The following RLF variants were observed in gnomAD, a reference collection of about 807,000 sequenced individuals.
RLF encodes the protein RLF zinc finger.
A neutral mutation model predicts 162.9 loss-of-function variants in RLF; 7 were observed. The ratio of observed to expected loss-of-function variants is 0.04; its 90% CI spans 0.02 to 0.08. RLF has a LOEUF of 0.08. Ranked by LOEUF, RLF falls within the 10% of genes least tolerant of loss-of-function variation. RLF has a pLI of 1.00. For missense variants in RLF, 1,664 were observed against 2,244.7 expected (o/e 0.74, Z 5.23); for synonymous variants, 782 against 791.5 (o/e 0.99, Z 0.20).
intron 6 of RLF, among the ~76,000 whole-genome samples, chr1:40,229,519 A>G (rs1247558407): frequency 1.4e-5 from 2 of 141,614 alleles, no homozygotes; most frequent in Admixed American, 1.5e-4. Context: ...CAGTGGTGCA[A>G]TCTCGGCTTA....
Position 40,198,918 on chromosome 1 carries a change from C to T in RLF, c.607+3154C>T, listed in dbSNP as rs369964941. ...AAAGAAATTCAAAGATTGATATCTT[C>T]AAATGATTTGTAAAATACAAGATTG... is the stretch of plus-strand genomic sequence containing the variant. On this transcript the variant is annotated intron_variant, in intron 4 of 7. Coordinates refer to ENST00000372771, the MANE Select transcript of RLF (RefSeq NM_012421.4). Among the ~76,000 whole-genome samples the T allele has an allele frequency of 8.5e-5, 13 of 152,262 alleles. 1 individual carries two copies. The highest frequency in any genetic ancestry group is 3.9e-4 in the East Asian group (2 of 5,184).
rs1010836529 is a variant in RLF, at chr1:40,238,166, C to T, written c.3464C>T (p.Ser1155Leu). 6.2e-7 allele frequency: 1 copy of T among 1,613,812 alleles called. No homozygotes were observed. The highest frequency in any genetic ancestry group is 8.5e-7 in the Non-Finnish European group (1 of 1,179,868). ...CATTATCTTAAAAAGCATAATTATT[C>T]AAAAGAAAAAGTCCTTCAGTTAACC... is the stretch of plus-strand genomic sequence containing the variant. The part of the protein sequence containing the change: ...LMHYLKKHNY[S>L]KEKVLQLTMF... Residue 1155 changes from serine to leucine, a missense_variant, in exon 8 of 8, where the codon TCA becomes TTA. By Grantham distance (145) the Ser-to-Leu change is moderately radical. Coordinates refer to ENST00000372771, the MANE Select transcript of RLF (RefSeq NM_012421.4). This position sits in a 1 kb window ranked among gnomAD's most constrained non-coding sequence, Gnocchi z 5.2.
In RLF at chr1:40,238,864, A is replaced by T; in HGVS notation, c.4162A>T (p.Asn1388Tyr). 1 of 1,614,184 alleles carries T rather than the reference A, an allele frequency of 6.2e-7. No homozygotes were observed. The highest frequency in any genetic ancestry group is 8.5e-7 in the Non-Finnish European group (1 of 1,180,008). The change falls in exon 8 of 8, where the codon AAC (asparagine) becomes TAC (tyrosine). Residue 1388 changes from asparagine to tyrosine, a missense_variant. Coordinates refer to ENST00000372771, the MANE Select transcript of RLF (RefSeq NM_012421.4). This position sits in a 1 kb window ranked among gnomAD's most constrained non-coding sequence, Gnocchi z 5.2. ...ALAKHCSDSH[N>Y]LDHIEEPKVL... ...TGCTAAGCACTGTAGTGATTCTCAT[A>T]ACCTAGACCATATTGAAGAGCCTAA...
chr1:40,203,308 G>T (rs1038944850), intron 5 of RLF, among the ~76,000 whole-genome samples: 2 of 151,720 alleles, frequency 1.3e-5, no homozygotes, highest in Admixed American at 6.6e-5. Context: ...TAGAGACGGG[G>T]TTTCACCATG....
intron 5 of RLF, among the ~76,000 whole-genome samples, chr1:40,203,267 A>G (rs1471546377): frequency 6.6e-6 from 1 of 151,864 alleles, no homozygotes; most frequent in Non-Finnish European, 1.5e-5. Context: ...GGCATGCGCC[A>G]CCATGCCTGG....
At chr1:40,228,474 G>A (rs865872744) in intron 6 of RLF, among the ~76,000 whole-genome samples, 2 of 148,248 alleles carry the variant, frequency 1.3e-5, no homozygotes, top group Admixed American at 6.7e-5. Flanking sequence ...CCAGCTACTC[G>A]AGGGAGGCTG....
At chr1:40,219,386 GTT>G (rs1642963751) in intron 5 of RLF, among the ~76,000 whole-genome samples, 1 of 152,046 alleles carries the variant, frequency 6.6e-6, no homozygotes, top group African/African-American at 2.4e-5. Context: ...TCTAGTATCT[GTT>G]TTCAAGGGAT....
chr1:40,220,360 A>G (rs2124552553), intron 5 of RLF, among the ~76,000 whole-genome samples: 1 of 152,328 alleles, frequency 6.6e-6, no homozygotes, highest in South Asian at 2.1e-4. Context: ...GCTCACTCTT[A>G]TTAGGCCACT....
At chr1:40,209,818 A>G (rs950053992) in intron 5 of RLF, among the ~76,000 whole-genome samples, 1 of 151,940 alleles carries the variant, frequency 6.6e-6, no homozygotes, top group Non-Finnish European at 1.5e-5. Flanking sequence ...CAGAGGTTGC[A>G]GTAAGCCAGG....
chr1:40,229,021 CT>C (rs1369673422), intron 6 of RLF, among the ~76,000 whole-genome samples: 1 of 152,112 alleles, frequency 6.6e-6, no homozygotes, highest in Non-Finnish European at 1.5e-5. Context: ...TCAGGCTGGT[CT>C]TGAACTCCTA....
chr1:40,178,117 A>G (rs1244982665), intron 1 of RLF, among the ~76,000 whole-genome samples: 1 of 151,968 alleles, frequency 6.6e-6, no homozygotes, highest in African/African-American at 2.4e-5. Flanking sequence ...TGTTATATAA[A>G]TATATCTATA....
chr1:40,198,128 C>T (rs547088161), intron 4 of RLF, among the ~76,000 whole-genome samples: 3 of 151,758 alleles, frequency 2.0e-5, no homozygotes, highest in East Asian at 1.9e-4. Context: ...CTTAGCCTCT[C>T]GAATAGCTGG....
chr1:40,203,656 T>C (rs1369903729), intron 5 of RLF, among the ~76,000 whole-genome samples: 1 of 152,130 alleles, frequency 6.6e-6, no homozygotes, highest in African/African-American at 2.4e-5. Flanking sequence ...TTTGACATTA[T>C]ACAGAAAAAA....
intron 6 of RLF, among the ~76,000 whole-genome samples, chr1:40,224,623 C>T (rs977741375): frequency 0.017 from 570 of 33,006 alleles, no homozygotes; most frequent in South Asian, 0.026. Context: ...TTTTTGAAAG[C>T]TTTTTTTTTT....
Position 40,202,612 on chromosome 1 carries a change from G to A in RLF, c.808G>A (p.Glu270Lys). Reference sequence around the variant, plus strand: ...GCTCCCTAATGAAGATGCTATTAAGGAGGTGAGTAAATAATTGTTGTCATT... The same window carrying A: ...GCTCCCTAATGAAGATGCTATTAAGAAGGTGAGTAAATAATTGTTGTCATT... ...SMLPNEDAIK[E>K]IAKVDCKEVL... Residue 270 changes from glutamate (E) to lysine (K), a missense_variant and splice_region_variant, in exon 5 of 8, where the codon GAG becomes AAG. By Grantham distance (56) the Glu-to-Lys change is moderately conservative. Transcript: ENST00000372771. 1 of 1,497,678 alleles carries A rather than the reference G, an allele frequency of 6.7e-7. No individual in the cohort carries two copies. Among genetic ancestry groups the A allele is most frequent in the Middle Eastern group, 1.7e-4 (1 of 5,806 alleles). The allele number at this position is 1,497,678 out of a possible 1,614,324, so 92.8% of individuals were successfully genotyped here.
At chr1:40,174,161 A>G (rs1642283509) in intron 1 of RLF, among the ~76,000 whole-genome samples, 1 of 152,066 alleles carries the variant, frequency 6.6e-6, no homozygotes, top group African/African-American at 2.4e-5. Context: ...TCATGAGGTC[A>G]GGAGTTTAAG....
chr1:40,206,170 T>C (rs1379315788), intron 5 of RLF, among the ~76,000 whole-genome samples: 1 of 152,212 alleles, frequency 6.6e-6, no homozygotes, highest in Middle Eastern at 3.2e-3. Flanking sequence ...ATTTGGACTT[T>C]GCTTTTATGA....
chr1:40,166,891 T>TA (rs1459673911), intron 1 of RLF, among the ~76,000 whole-genome samples: 2 of 150,216 alleles, frequency 1.3e-5, no homozygotes, highest in African/African-American at 4.9e-5. Flanking sequence ...CATTAGGAGA[T>TA]ATACCTAATG....
At chr1:40,173,317 C>T (rs894061406) in intron 1 of RLF, among the ~76,000 whole-genome samples, 2 of 151,932 alleles carry the variant, frequency 1.3e-5, no homozygotes, top group African/African-American at 4.8e-5. Flanking sequence ...CTCAGGTGAT[C>T]CTCCCGCCTT....
Sources: gnomAD v4.1 joint callset for allele counts (sites outside exome capture counted in the v4.1 genomes callset) on GRCh38, gnomAD v4.1.1 for gene constraint, Gnocchi (gnomAD v3.1) non-coding constraint, MANE v1.5 for transcripts, NCBI Gene and HGNC (gene_info 2026-07-23, HGNC 2026-07-21) for gene names.